WDR72: variants seen among roughly 807,000 people sequenced by gnomAD.
WDR72 encodes WD repeat-containing protein 72.
In WDR72, 120 loss-of-function variants were observed where a neutral mutation model predicts 124.2. That is an observed-to-expected ratio of 0.97 (90% confidence interval 0.83 to 1.12). The LOEUF (loss-of-function observed/expected upper bound fraction) is 1.12, where lower values mean the gene tolerates loss of function less well. WDR72 is among the 50% of genes most tolerant of loss of function. WDR72 has a pLI of 0.00. For missense variants in WDR72, 1,387 were observed against 1,278.8 expected (o/e 1.08, Z -1.29); for synonymous variants, 452 against 441.7 (o/e 1.02, Z -0.29).
chr15:53,679,276 C>T (rs1401292615), intron 13 of WDR72, among the ~76,000 whole-genome samples: 3 of 152,208 alleles, frequency 2.0e-5, no homozygotes, highest in African/African-American at 7.2e-5. Flanking sequence ...CTTAATGCCA[C>T]TGAACTGTAC....
intron 1 of WDR72, among the ~76,000 whole-genome samples, chr15:53,736,600 G>A (rs1009506282): frequency 1.3e-5 from 2 of 152,166 alleles, no homozygotes; most frequent in African/African-American, 4.8e-5. Flanking sequence ...AGCCCAAGGA[G>A]GATAGGAAGG....
rs2140194691 is a variant in WDR72 at position 53,517,724 on chromosome 15, T to C, written c.3284A>G (p.Lys1095Arg). The change falls in exon 20 of 20, where the codon AAG (lysine) becomes AGG (arginine). Residue 1095 changes from lysine (K) to arginine (R), a missense_variant. Lys to Arg is a conservative substitution (Grantham distance 26). Transcript: ENST00000360509. ...TTAAGACACCTTGCAGGGGCAGACCTTTGCTATCCATGAATGATGCCTTGG... is the reference window on the plus strand; with the variant it reads ...TTAAGACACCTTGCAGGGGCAGACCCTTGCTATCCATGAATGATGCCTTGG... ...GEPRHHSWIA[K>R]VCPCKVS 3 of 1,612,938 alleles carry C rather than the reference T, an allele frequency of 1.9e-6. No homozygotes were observed. The Middle Eastern group carries it at 5.0e-4, about 266-fold the overall frequency.
chr15:53,701,259 G>A (rs2017164738), intron 12 of WDR72, among the ~76,000 whole-genome samples: 2 of 152,130 alleles, frequency 1.3e-5, no homozygotes, highest in East Asian at 1.9e-4. Context: ...AGAAGAAAAT[G>A]TGCTGGGCAC....
intron 9 of WDR72, among the ~76,000 whole-genome samples, chr15:53,708,565 T>C (rs1027999539): frequency 3.9e-5 from 6 of 152,086 alleles, no homozygotes; most frequent in Non-Finnish European, 7.4e-5. Flanking sequence ...TGAATTCAAA[T>C]CCTGGGAATT....
chr15:53,582,777 C>T (rs531417740), intron 18 of WDR72, among the ~76,000 whole-genome samples: 1 of 151,964 alleles, frequency 6.6e-6, no homozygotes, highest in East Asian at 1.9e-4. Context: ...AATGCAATGA[C>T]TATTTTCAAT....
intron 10 of WDR72, 124 bp downstream of exon 10, chr15:53,705,803 T>C (rs2017335221): frequency 5.5e-6 from 6 of 1,099,826 alleles, no homozygotes; most frequent in Non-Finnish European, 8.1e-6. Flanking sequence ...TGTCATTTAA[T>C]ACGTAGTAGT....
Position 53,582,937 on chromosome 15 carries a change from C to A in WDR72, c.3148+14142G>T, listed in dbSNP as rs145963668. On this transcript the variant is annotated intron_variant, in intron 18 of 19. Transcript: ENST00000360509. ...ATATATTTTACTTTAAAATGAACCA[C>A]TGGAAATATAAAAATGATAATATTC... 5.9e-3 allele frequency among the ~76,000 whole-genome samples: 903 copies of A among 151,980 alleles called. 7 individuals are homozygous for A. Among genetic ancestry groups the A allele is most frequent in the African/African-American group, 0.02 (828 of 41,480 alleles).
chr15:53,523,338 G>GAGAC lies in WDR72; in HGVS notation c.3149-17_3149-16insGTCT, dbSNP rs753103092. 78 of 1,607,620 alleles carry GAGAC rather than the reference G, an allele frequency of 4.9e-5. No homozygotes were observed. The highest frequency in any genetic ancestry group is 6.2e-5 in the Non-Finnish European group (73 of 1,176,416). ...CTGACTGGAGCTATTAAAAGAGAGAGAGAGAGAGAGAGAGACAGAAGAGAG... is the reference window on the plus strand; with the variant it reads ...CTGACTGGAGCTATTAAAAGAGAGAGAGACAGAGAGAGAGAGAGACAGAAGAGAG... On this transcript the variant is annotated splice_polypyrimidine_tract_variant and intron_variant, in intron 18 of 19. Transcript: ENST00000360509.
chr15:53,536,255 T>C (rs745898541), intron 18 of WDR72, among the ~76,000 whole-genome samples: 18 of 152,278 alleles, frequency 1.2e-4, no homozygotes, highest in Admixed American at 6.5e-5. Context: ...ACCATCCCAG[T>C]AGCGTGTGCA....
intron 2 of WDR72, among the ~76,000 whole-genome samples, chr15:53,729,486 G>GAA (rs34023714): frequency 0.059 from 8,709 of 148,740 alleles, 491 homozygotes; most frequent in African/African-American, 0.14. Context: ...TCTATCTAGT[G>GAA]AAAAAAAAAC....
chr15:53,696,287 T>C (rs1042822922), intron 13 of WDR72, among the ~76,000 whole-genome samples: 44 of 152,012 alleles, frequency 2.9e-4, no homozygotes, highest in Admixed American at 2.6e-3. Context: ...CCAGGAAAAA[T>C]TGACTGGAGT....
chr15:53,569,739 G>A (rs914929642), intron 18 of WDR72, among the ~76,000 whole-genome samples: 2 of 152,036 alleles, frequency 1.3e-5, no homozygotes, highest in African/African-American at 4.8e-5. Flanking sequence ...TGTCATGAGA[G>A]TAATGATTTT....
chr15:53,694,526 G>A (rs1595856035), intron 13 of WDR72, among the ~76,000 whole-genome samples: 1 of 152,114 alleles, frequency 6.6e-6, no homozygotes, highest in Admixed American at 6.6e-5. Flanking sequence ...CTTATAGCAG[G>A]CTTCCTGGCA....
At chr15:53,656,993 G>T (rs963436504) in intron 14 of WDR72, among the ~76,000 whole-genome samples, 4 of 151,910 alleles carry the variant, frequency 2.6e-5, no homozygotes, top group Non-Finnish European at 5.9e-5. Flanking sequence ...GGCCTCGCAT[G>T]GTGGCTCATG....
chr15:53,593,425 C>T (rs1197953871), intron 18 of WDR72, among the ~76,000 whole-genome samples: 2 of 151,946 alleles, frequency 1.3e-5, no homozygotes, highest in South Asian at 2.1e-4. Flanking sequence ...CAAAACCTCT[C>T]TTAAGTCTTA....
At chr15:53,649,274 A>G (rs2015149171) in intron 14 of WDR72, among the ~76,000 whole-genome samples, 1 of 152,170 alleles carries the variant, frequency 6.6e-6, no homozygotes, top group African/African-American at 2.4e-5. Flanking sequence ...TAGGTGTACC[A>G]GAGACTGTAT....
In WDR72 at chr15:53,528,651, TTTAAG is replaced by T. The variant is rs1369748404; in HGVS notation, c.3149-5334_3149-5330del. ...TGTATTATTACCTAGATGTAGAGAATTTAAGTTATTATTTCATTTAAATACACACA... is the reference window on the plus strand; with the variant it reads ...TGTATTATTACCTAGATGTAGAGAATTTATTATTTCATTTAAATACACACA... On this transcript the variant is annotated intron_variant, in intron 18 of 19. Transcript: ENST00000360509. 2.6e-5 allele frequency among the ~76,000 whole-genome samples: 4 copies of T among 152,040 alleles called. No homozygotes were observed. In the East Asian group the frequency reaches 7.7e-4, roughly 29 times the overall value.
At chr15:53,636,974 A>G (rs1380038760) in intron 14 of WDR72, among the ~76,000 whole-genome samples, 1 of 152,162 alleles carries the variant, frequency 6.6e-6, no homozygotes, top group Non-Finnish European at 1.5e-5. Flanking sequence ...TAAGTTCTAG[A>G]ACATTTCTTT....
intron 18 of WDR72, among the ~76,000 whole-genome samples, chr15:53,536,613 C>G (rs978370490): frequency 3.3e-5 from 5 of 152,088 alleles, no homozygotes; most frequent in Non-Finnish European, 7.4e-5. Context: ...AATGTATGAA[C>G]AAACAAGTCA....
Sources: gnomAD v4.1 joint callset for allele counts (sites outside exome capture counted in the v4.1 genomes callset) on GRCh38, gnomAD v4.1.1 for gene constraint, MANE v1.5 for transcripts, NCBI Gene and HGNC (gene_info 2026-07-23, HGNC 2026-07-21) for gene names.